DERL1: variants seen among roughly 807,000 people sequenced by gnomAD.
The protein encoded by DERL1 is derlin 1.
A neutral mutation model predicts 41.6 loss-of-function variants in DERL1; 24 were observed. The observed-to-expected ratio is 0.58, with a 90% CI of 0.42 to 0.81. DERL1 has a LOEUF of 0.81. Ranked by LOEUF, DERL1 falls within the 30% of genes least tolerant of loss-of-function variation. The pLI is 0.00. For missense variants in DERL1, 260 were observed against 314.3 expected, an observed-to-expected ratio of 0.83 and a Z score of 1.31; for synonymous variants, 124 against 112.5, an observed-to-expected ratio of 1.10 and a Z score of -0.65.
intron 6 of DERL1, among the ~76,000 whole-genome samples, chr8:123,019,581 T>C (rs746659885): frequency 1.3e-5 from 2 of 152,188 alleles, no homozygotes; most frequent in African/African-American, 4.8e-5. Context: ...AAAATATTGT[T>C]TTTGCTACTT....
At chr8:123,041,468 A>G (rs1343683832) in intron 1 of DERL1, among the ~76,000 whole-genome samples, 1 of 152,224 alleles carries the variant, frequency 6.6e-6, no homozygotes. Context: ...GGAAATGCAG[A>G]ACAATACACT....
chr8:123,024,119 T>C (rs563321730), intron 3 of DERL1, among the ~76,000 whole-genome samples: 9 of 152,280 alleles, frequency 5.9e-5, no homozygotes, highest in Middle Eastern at 3.4e-3. Context: ...AAGGACATAG[T>C]AGAAATCAAC....
At chr8:123,025,938 G>A (rs1812678288) in intron 2 of DERL1, among the ~76,000 whole-genome samples, 1 of 151,226 alleles carries the variant, frequency 6.6e-6, no homozygotes, top group African/African-American at 2.4e-5. Context: ...TCCCGTGTAA[G>A]CATAATTCCT....
chr8:123,023,509 C>T (rs1234857252), intron 4 of DERL1, among the ~76,000 whole-genome samples: 1 of 152,078 alleles, frequency 6.6e-6, no homozygotes, highest in Non-Finnish European at 1.5e-5. Flanking sequence ...GAGCCAAGAT[C>T]AAGCCACTGC....
At chr8:123,035,152 CTA>C (rs1812898103) in intron 1 of DERL1, among the ~76,000 whole-genome samples, 1 of 152,194 alleles carries the variant, frequency 6.6e-6, no homozygotes, top group Non-Finnish European at 1.5e-5. Flanking sequence ...TGACATAAGA[CTA>C]TTTTTAGTCA....
At chr8:123,018,526 G>A (rs1407535104) in intron 7 of DERL1, 1 of 152,350 alleles carries the variant, frequency 6.6e-6, no homozygotes, top group African/African-American at 2.4e-5. Context: ...CTTGCAAACT[G>A]AAGCTTGGAG....
chr8:123,032,474 T>C (rs998809746), intron 1 of DERL1, among the ~76,000 whole-genome samples: 2 of 152,216 alleles, frequency 1.3e-5, no homozygotes, highest in African/African-American at 4.8e-5. Flanking sequence ...TTTCTCATCA[T>C]TGCAAGCATT....
intron 1 of DERL1, 98 bp downstream of exon 1, chr8:123,041,872 A>G (rs1354712628): frequency 2.6e-5 from 37 of 1,433,798 alleles, no homozygotes; most frequent in Non-Finnish European, 3.3e-5. Flanking sequence ...TACAAATCCC[A>G]GCAGGCACCG....
chr8:123,019,147 A>C (rs1193706478), intron 7 of DERL1, 48 bp downstream of exon 7: 7 of 1,308,264 alleles, frequency 5.4e-6, no homozygotes, highest in Non-Finnish European at 7.7e-6. Context: ...GGATGCACTA[A>C]GAACACAGGC....
intron 1 of DERL1, among the ~76,000 whole-genome samples, chr8:123,031,863 A>G (rs1812823564): frequency 6.6e-6 from 1 of 152,212 alleles, no homozygotes; most frequent in Non-Finnish European, 1.5e-5. Flanking sequence ...GCATATACAG[A>G]ATAAGTTCCT....
intron 1 of DERL1, among the ~76,000 whole-genome samples, chr8:123,036,464 T>C (rs1812931393): frequency 6.6e-6 from 1 of 152,228 alleles, no homozygotes; most frequent in South Asian, 2.1e-4. Context: ...GAGAGGACAG[T>C]GACCAGAAGG....
rs1006354704 is a variant in DERL1, at chr8:123,013,655, C to T, written c.*1792G>A. Reference sequence around the variant, plus strand: ...AAACCTTTAGGAAAAAATGACTGCTCGCAGGCAGCTGACTGGTAAGAGGGT... The same window carrying T: ...AAACCTTTAGGAAAAAATGACTGCTTGCAGGCAGCTGACTGGTAAGAGGGT... On this transcript the variant is annotated 3_prime_UTR_variant, in exon 8 of 8. Coordinates refer to ENST00000259512, the MANE Select transcript of DERL1 (RefSeq NM_024295.6). The T allele has an allele frequency of 1.3e-5, 2 of 152,114 alleles. No individual in the cohort carries two copies. Among genetic ancestry groups the T allele is most frequent in the Non-Finnish European group, 2.9e-5 (2 of 68,026 alleles). The allele number at this position is 152,114 out of a possible 1,614,324, so 9.4% of individuals were successfully genotyped here. A position where few individuals can be genotyped will look rare whatever the true frequency, so the allele number is the denominator to read the frequency against.
chr8:123,015,491 C>T lies in DERL1; in HGVS notation c.712G>A (p.Gly238Arg), dbSNP rs779040155. ...RRAADQNGGG[G>R]RHNWGQGFRL... ...AAGCCCTGGCCCCAGTTGTGTCTCCCGCCTCCGCCATTCTGATCAGCAGCT... is the reference window on the plus strand; with the variant it reads ...AAGCCCTGGCCCCAGTTGTGTCTCCTGCCTCCGCCATTCTGATCAGCAGCT... Residue 238 changes from glycine (G) to arginine (R), a missense_variant, in exon 8 of 8, where the codon GGG (glycine) becomes AGG (arginine). Coordinates refer to ENST00000259512, the MANE Select transcript of DERL1 (RefSeq NM_024295.6). The T allele has an allele frequency of 2.4e-5, 38 of 1,613,506 alleles. No homozygotes were observed. In the East Asian group the frequency reaches 4.0e-4, roughly 17 times the overall value.
intron 4 of DERL1, among the ~76,000 whole-genome samples, chr8:123,023,276 G>A (rs953388375): frequency 6.6e-6 from 1 of 152,150 alleles, no homozygotes; most frequent in African/African-American, 2.4e-5. Flanking sequence ...AACAGCTATA[G>A]GCCAGGCACG....
intron 1 of DERL1, among the ~76,000 whole-genome samples, chr8:123,035,781 T>C (rs1179925589): frequency 6.6e-6 from 1 of 152,170 alleles, no homozygotes; most frequent in African/African-American, 2.4e-5. Context: ...CTTCAGAGTG[T>C]AGGTTGCAGC....
At chr8:123,031,843 C>G (rs1319262205) in intron 1 of DERL1, among the ~76,000 whole-genome samples, 1 of 152,154 alleles carries the variant, frequency 6.6e-6, no homozygotes, top group Non-Finnish European at 1.5e-5. Flanking sequence ...TGTATATCCT[C>G]TTTATATGTG....
At chr8:123,018,646 G>C (rs1293466606) in intron 7 of DERL1, 1 of 152,434 alleles carries the variant, frequency 6.6e-6, no homozygotes, top group Non-Finnish European at 1.5e-5. Context: ...GCCCACTTCA[G>C]TAAACCCTAA....
intron 2 of DERL1, 51 bp downstream of exon 2, chr8:123,030,554 G>T: frequency 7.7e-7 from 1 of 1,307,124 alleles, no homozygotes; most frequent in South Asian, 1.3e-5. Flanking sequence ...TAAACACATG[G>T]ATTAGTAAAT....
At position 123,040,908 on chromosome 8, in the gene DERL1, C is replaced by A. The variant is rs149081816; in HGVS notation, c.153+1062G>T. ...TAAGATGAAGATGACTCTTAGTCATCCAAGTCGTGATTTCAAGTAACTGCT... is the reference window on the plus strand; with the variant it reads ...TAAGATGAAGATGACTCTTAGTCATACAAGTCGTGATTTCAAGTAACTGCT... On this transcript the variant is annotated intron_variant, in intron 1 of 7. Coordinates refer to ENST00000259512, the MANE Select transcript of DERL1 (RefSeq NM_024295.6). Among the ~76,000 whole-genome samples, 420 of 152,260 alleles carry A rather than the reference C, an allele frequency of 2.8e-3. 1 individual carries two copies. The highest frequency in any genetic ancestry group is 4.0e-3 in the Non-Finnish European group (275 of 68,018).
Sources: allele counts gnomAD v4.1 joint callset (sites outside exome capture counted in the v4.1 genomes callset), GRCh38; gene constraint gnomAD v4.1.1; transcripts MANE v1.5; gene names NCBI Gene and HGNC (gene_info 2026-07-23, HGNC 2026-07-21).